The following SMO variants were observed in gnomAD, a reference collection of about 807,000 sequenced individuals.
SMO encodes the protein smoothened, frizzled class receptor, also known as protein smoothened.
A neutral mutation model predicts 81.6 loss-of-function variants in SMO; 40 were observed. The observed-to-expected ratio is 0.49, with a 90% CI of 0.38 to 0.64. The LOEUF is 0.64. Among genes scored for constraint, SMO ranks in the 30% least tolerant of loss-of-function variants. The pLI, the probability that SMO is intolerant of heterozygous loss-of-function variation, is 0.00. For missense variants in SMO, 916 were observed against 1,061.1 expected (o/e 0.86, Z 1.90); for synonymous variants, 434 against 432.1 (o/e 1.00, Z -0.05).
chr7:129,203,995 A>G (rs1793716978), intron 2 of SMO, among the ~76,000 whole-genome samples: 1 of 152,062 alleles, frequency 6.6e-6, no homozygotes, highest in African/African-American at 2.4e-5. Flanking sequence ...AATGAAAATA[A>G]TAACAGTAAT....
rs1279001312 is a variant in SMO, at chr7:129,211,382, G to T, written c.1802-254G>T. 2.8e-6 allele frequency: 2 copies of T among 709,610 alleles called. No homozygotes were observed. Among genetic ancestry groups the T allele is most frequent in the Admixed American group, 2.0e-5 (1 of 49,874 alleles). 44.0% of individuals were successfully genotyped at this position (709,610 alleles called of 1,614,324 possible). ...CCTCTCCCTTCTCATAAATTCTCCA[G>T]TTGCTCTCCCTGGGCAAGAGTAAGT... On this transcript the variant is annotated intron_variant, in intron 10 of 11. Transcript: ENST00000249373. This position sits in a 1 kb window ranked among gnomAD's most constrained non-coding sequence, Gnocchi z 4.6.
rs2150653885 is a variant in SMO, at chr7:129,210,476, G to A, written c.1580G>A (p.Gly527Glu). The change falls in exon 9 of 12, where the codon GGA becomes GAA. Residue 527 changes from glycine (G) to glutamate (E), a missense_variant. Gly to Glu is a moderately conservative substitution (Grantham distance 98, BLOSUM62 -2). Coordinates refer to ENST00000249373, the MANE Select transcript of SMO (RefSeq NM_005631.5). The surrounding 1 kb of genome is among the most constrained non-coding windows in gnomAD (Gnocchi z 4.7). ...VEKINLFAMF[G>E]TGIAMSTWVW... ...AAGATCAACCTGTTTGCCATGTTTG[G>A]AACTGGCATCGCCATGAGCACCTGG... The A allele has an allele frequency of 6.2e-7, 1 of 1,614,134 alleles. No individual in the cohort carries two copies. Among genetic ancestry groups the A allele is most frequent in the Non-Finnish European group, 8.5e-7 (1 of 1,179,978 alleles).
Position 129,189,594 on chromosome 7 carries a change from C to A in SMO, c.331+112C>A. ...TTTTGGAGAGGGCGGGGACAGCACC[C>A]GGGAGAGTTGGAGGGACAGATCCCG... On this transcript the variant is annotated intron_variant, in intron 1 of 11. Coordinates refer to ENST00000249373, the MANE Select transcript of SMO (RefSeq NM_005631.5). The surrounding 1 kb of genome is among the most constrained non-coding windows in gnomAD (Gnocchi z 4.7). 8.3e-7 allele frequency: 1 copy of A among 1,198,360 alleles called. No individual in the cohort carries two copies. The highest frequency in any genetic ancestry group is 1.2e-6 in the Non-Finnish European group (1 of 867,942). The allele number at this position is 1,198,360 out of a possible 1,614,324, so 74.2% of individuals were successfully genotyped here. A position where few individuals can be genotyped will look rare whatever the true frequency, so the allele number is the denominator to read the frequency against.
intron 1 of SMO, among the ~76,000 whole-genome samples, chr7:129,197,008 C>T (rs1336934671): frequency 9.6e-6 from 1 of 104,070 alleles, no homozygotes; most frequent in Non-Finnish European, 1.9e-5. Flanking sequence ...TACAGTGAGA[C>T]ACCGTCTCAA....
In SMO at chr7:129,206,056, C is replaced by G; in HGVS notation, c.921-94C>G. The G allele has an allele frequency of 9.1e-7, 1 of 1,102,106 alleles. No individual in the cohort carries two copies. The allele number at this position is 1,102,106 out of a possible 1,614,324, so 68.3% of individuals were successfully genotyped here. On this transcript the variant is annotated intron_variant, in intron 4 of 11. Transcript: ENST00000249373. The surrounding 1 kb of genome is among the most constrained non-coding windows in gnomAD (Gnocchi z 4.4). The stretch of plus-strand genomic sequence containing the variant: ...GCCCTGACTTCTGGGAACCTCCAGA[C>G]CTCAGCAGCTGAGGGTCTGGGCACA...
chr7:129,212,004 G>A lies in SMO; in HGVS notation c.1937-20G>A, dbSNP rs1421762420. 4 of 1,565,166 alleles carry A rather than the reference G, an allele frequency of 2.6e-6. No individual in the cohort carries two copies. Among genetic ancestry groups the A allele is most frequent in the Non-Finnish European group, 3.4e-6 (4 of 1,162,596 alleles). ...GACAGAGCCAGGGCCCCAGGCTCGT[G>A]TTGTCTCTCCTCCTGTCAGTGCCCC... On this transcript the variant is annotated intron_variant, in intron 11 of 11. Transcript: ENST00000249373. The surrounding 1 kb of genome is among the most constrained non-coding windows in gnomAD (Gnocchi z 5.0).
At position 129,212,023 on chromosome 7, in the gene SMO, G is replaced by C. The variant is rs2150656249; in HGVS notation, c.1937-1G>C. The C allele has an allele frequency of 6.3e-7, 1 of 1,581,998 alleles. No homozygotes were observed. The highest frequency in any genetic ancestry group is 8.5e-7 in the Non-Finnish European group (1 of 1,170,690). ...GCTCGTGTTGTCTCTCCTCCTGTCAGTGCCCCCAGAGGAACAAGCCAACCT... is the reference window on the plus strand; with the variant it reads ...GCTCGTGTTGTCTCTCCTCCTGTCACTGCCCCCAGAGGAACAAGCCAACCT... On this transcript the variant is annotated splice_acceptor_variant, in intron 11 of 11. Transcript: ENST00000249373. LOFTEE classifies it high-confidence loss of function. This position sits in a 1 kb window ranked among gnomAD's most constrained non-coding sequence, Gnocchi z 5.0.
chr7:129,208,698 C>A lies in SMO; in HGVS notation c.1265-61C>A, dbSNP rs1270417343. On this transcript the variant is annotated intron_variant, in intron 6 of 11. Transcript: ENST00000249373. This position sits in a 1 kb window ranked among gnomAD's most constrained non-coding sequence, Gnocchi z 5.2. ...GCCTTAGGACCCTCCTCCCACTCAC[C>A]CATCCTTCCCAGCAGGGCAGCCTCA... is the stretch of plus-strand genomic sequence containing the variant. The A allele has an allele frequency of 1.9e-6, 2 of 1,041,100 alleles. No homozygotes were observed. Among genetic ancestry groups the A allele is most frequent in the East Asian group, 2.4e-5 (1 of 41,360 alleles). 64.5% of individuals were successfully genotyped at this position (1,041,100 alleles called of 1,614,324 possible).
Position 129,210,274 on chromosome 7 carries a change from T to C in SMO, c.1467-89T>C, listed in dbSNP as rs1422892441. 2.6e-6 allele frequency: 3 copies of C among 1,155,892 alleles called. No homozygotes were observed. Among genetic ancestry groups the C allele is most frequent in the Non-Finnish European group, 3.8e-6 (3 of 782,784 alleles). The allele number at this position is 1,155,892 out of a possible 1,614,324, so 71.6% of individuals were successfully genotyped here. A position where few individuals can be genotyped will look rare whatever the true frequency, so the allele number is the denominator to read the frequency against. ...GGGTTGTGATCACGCCACCGCACTC[T>C]AGCCTGGGTGACAGAGCAAGATCCT... On this transcript the variant is annotated intron_variant, in intron 8 of 11. Coordinates refer to ENST00000249373, the MANE Select transcript of SMO (RefSeq NM_005631.5). The surrounding 1 kb of genome is among the most constrained non-coding windows in gnomAD (Gnocchi z 4.7).
At chr7:129,209,854 T>G in intron 8 of SMO, 1 of 180,756 alleles carries the variant, frequency 5.5e-6, no homozygotes, top group South Asian at 1.3e-4. Context: ...AGTAAGACAT[T>G]GCTACTGCTG....
At chr7:129,196,382 A>G (rs1023906820) in intron 1 of SMO, among the ~76,000 whole-genome samples, 5 of 150,694 alleles carry the variant, frequency 3.3e-5, no homozygotes, top group Non-Finnish European at 5.9e-5. Context: ...GTTTGACCCT[A>G]TTGTCCCGGC....
At chr7:129,195,878 G>T (rs753712711) in intron 1 of SMO, among the ~76,000 whole-genome samples, 3 of 152,044 alleles carry the variant, frequency 2.0e-5, no homozygotes, top group Non-Finnish European at 4.4e-5. Flanking sequence ...AAGGTGGGCA[G>T]ATCACGAGGT....
At chr7:129,197,808 T>C (rs576168440) in intron 1 of SMO, among the ~76,000 whole-genome samples, 4 of 152,278 alleles carry the variant, frequency 2.6e-5, no homozygotes, top group South Asian at 2.1e-4. Flanking sequence ...ATTGCATTGA[T>C]TGAATTTTCT....
chr7:129,203,508 C>G lies in SMO; in HGVS notation c.456C>G (p.Gly152=), dbSNP rs375490983. The change falls in exon 2 of 12, where the codon GGC becomes GGG. Residue 152 remains glycine (G), a synonymous_variant. Transcript: ENST00000249373. ...PSRTLCQATR[G]PCAIVERERG... is the part of the protein sequence containing the mutation. ...GTACCCTCTGCCAGGCCACCCGAGG[C>G]CCCTGTGCCATCGTGGAGAGGGAGC... 15 of 1,607,240 alleles carry G rather than the reference C, an allele frequency of 9.3e-6. No individual in the cohort carries two copies. The highest frequency in any genetic ancestry group is 1.1e-5 in the Non-Finnish European group (13 of 1,178,748).
chr7:129,202,999 G>A lies in SMO; in HGVS notation c.332-385G>A, dbSNP rs138176577. The stretch of plus-strand genomic sequence containing the variant: ...GAATACACTCATGTAACCAGTATCA[G>A]ATCAGGAGATAGAATATTCCCAACA... On this transcript the variant is annotated intron_variant, in intron 1 of 11. Coordinates refer to ENST00000249373, the MANE Select transcript of SMO (RefSeq NM_005631.5). Among the ~76,000 whole-genome samples the A allele has an allele frequency of 3.8e-3, 578 of 152,304 alleles. 3 individuals carry two copies. Among genetic ancestry groups the A allele is most frequent in the Middle Eastern group, 0.014 (4 of 294 alleles).
At chr7:129,205,445 T>C (rs2150648668) in intron 3 of SMO, 33 bp downstream of exon 3, 1 of 1,592,926 alleles carries the variant, frequency 6.3e-7, no homozygotes, top group Non-Finnish European at 8.6e-7. Flanking sequence ...CGGGGGGCCC[T>C]CAGCCTGGAA....
At position 129,209,384 on chromosome 7, in the gene SMO, C is replaced by T. The variant is rs756828715; in HGVS notation, c.1453C>T (p.Arg485Trp). 23 of 1,610,730 alleles carry T rather than the reference C, an allele frequency of 1.4e-5. No homozygotes were observed. The highest frequency in any genetic ancestry group is 8.3e-5 in the Admixed American group (5 of 59,998). The stretch of plus-strand genomic sequence containing the variant: ...CCAGGCTGAGTGGGAGCGCAGCTTC[C>T]GGGACTATGTGCTGTGAGTGAGGGG... ...FNQAEWERSF[R>W]DYVLCQANVT... The change falls in exon 8 of 12, where the codon CGG becomes TGG. Residue 485 changes from arginine to tryptophan, a missense_variant. Arg to Trp is a moderately radical substitution (Grantham distance 101). Around this residue, in one of 4 missense-constraint regions of SMO, gnomAD observed 436 missense variants for 570.9 expected, o/e 0.76. Transcript: ENST00000249373.
At chr7:129,207,386 C>CT (rs1172863286) in intron 6 of SMO, among the ~76,000 whole-genome samples, 2 of 152,198 alleles carry the variant, frequency 1.3e-5, no homozygotes, top group Admixed American at 1.3e-4. Context: ...TGGTCCCTAA[C>CT]TTTCCTGTCT....
At chr7:129,200,178 G>A (rs1793647570) in intron 1 of SMO, among the ~76,000 whole-genome samples, 1 of 152,186 alleles carries the variant, frequency 6.6e-6, no homozygotes, top group South Asian at 2.1e-4. Flanking sequence ...CCCACTTTGG[G>A]AGACCGAGGC....
Sources: gnomAD v4.1 joint callset for allele counts (sites outside exome capture counted in the v4.1 genomes callset) on GRCh38, gnomAD v4.1.1 for gene constraint, gnomAD v4.1.1 regional missense constraint, Gnocchi (gnomAD v3.1) non-coding constraint, MANE v1.5 for transcripts, NCBI Gene and HGNC (gene_info 2026-07-23, HGNC 2026-07-21) for gene names.